DLG2: variants seen among roughly 807,000 people sequenced by gnomAD.
The protein encoded by DLG2 is disks large homolog 2.
DLG2 carries 45 observed loss-of-function variants against 132.5 expected under a neutral mutation model. The observed-to-expected ratio is 0.34, with a 90% CI of 0.27 to 0.44. The LOEUF is 0.44. Among genes scored for constraint, DLG2 ranks in the 20% least tolerant of loss-of-function variants. The pLI is 1.00. For synonymous variants in DLG2, 424 were observed against 419.6 expected (o/e 1.01, Z -0.13); for missense variants, 1,045 against 1,196.9 (o/e 0.87, Z 1.87).
At chr11:84,023,446 C>T (rs2095453196) in intron 11 of DLG2, among the ~76,000 whole-genome samples, 2 of 152,088 alleles carry the variant, frequency 1.3e-5, no homozygotes, top group South Asian at 4.1e-4. Flanking sequence ...AAAGACATCA[C>T]CTGAGTTCAC....
At chr11:85,412,933 T>C (rs375811917) in intron 3 of DLG2, among the ~76,000 whole-genome samples, 1 of 151,992 alleles carries the variant, frequency 6.6e-6, no homozygotes, top group East Asian at 1.9e-4. Context: ...TAGCCAGTAC[T>C]GAGATTGTTG....
chr11:85,436,257 T>C (rs999926274), intron 3 of DLG2, among the ~76,000 whole-genome samples: 1 of 151,946 alleles, frequency 6.6e-6, no homozygotes, highest in Non-Finnish European at 1.5e-5. Context: ...TGGGCAAAGA[T>C]TTTATTATGA....
At chr11:83,762,248 C>T (rs35047639) in intron 18 of DLG2, among the ~76,000 whole-genome samples, 8,071 of 152,258 alleles carry the variant, frequency 0.053, 232 homozygotes, top group Middle Eastern at 0.11. Flanking sequence ...AATCTGTCAG[C>T]GATTGCTGAC....
intron 6 of DLG2, among the ~76,000 whole-genome samples, chr11:84,984,683 C>A (rs1278573326): frequency 6.6e-6 from 1 of 151,952 alleles, no homozygotes; most frequent in Non-Finnish European, 1.5e-5. Context: ...AAATGCTCCA[C>A]TTAAAAGATA....
chr11:84,396,193 T>C (rs572173718), intron 7 of DLG2, among the ~76,000 whole-genome samples: 44 of 152,318 alleles, frequency 2.9e-4, no homozygotes, highest in African/African-American at 1.1e-3. Flanking sequence ...GCTCCACTTT[T>C]CCCATAAATC....
chr11:84,317,761 TA>T (rs765782939), intron 7 of DLG2, among the ~76,000 whole-genome samples: 4 of 152,146 alleles, frequency 2.6e-5, no homozygotes, highest in Non-Finnish European at 5.9e-5. Flanking sequence ...AGTCATGAAG[TA>T]ACTATATAAG....
chr11:84,844,135 GTATATATATATATATATATA>G (rs74200849), intron 6 of DLG2, among the ~76,000 whole-genome samples: 1 of 43,694 alleles, frequency 2.3e-5, no homozygotes, highest in African/African-American at 8.9e-5. Flanking sequence ...GTGTGTGTGT[GTATATATATATATATATATA>G]TATATATATA....
At chr11:83,610,812 T>TGGA (rs2060006138) in intron 19 of DLG2, among the ~76,000 whole-genome samples, 9 of 152,200 alleles carry the variant, frequency 5.9e-5, no homozygotes, top group Admixed American at 1.3e-4. Flanking sequence ...GGTACTCTTG[T>TGGA]TATCCACAAT....
At chr11:83,887,120 G>C (rs1383280506) in intron 15 of DLG2, among the ~76,000 whole-genome samples, 2 of 152,168 alleles carry the variant, frequency 1.3e-5, no homozygotes, top group African/African-American at 4.8e-5. Flanking sequence ...GAAGGAAATA[G>C]AGACACAAAA....
At chr11:84,518,534 A>T (rs1321177895) in intron 7 of DLG2, among the ~76,000 whole-genome samples, 1 of 152,136 alleles carries the variant, frequency 6.6e-6, no homozygotes, top group Middle Eastern at 3.2e-3. Flanking sequence ...AAACTTCCTC[A>T]TCAATTCCTC....
At chr11:84,278,399 T>C (rs1598931522) in intron 7 of DLG2, among the ~76,000 whole-genome samples, 1 of 151,946 alleles carries the variant, frequency 6.6e-6, no homozygotes, top group East Asian at 1.9e-4. Context: ...CTAAATATTT[T>C]AAAGAAAGAA....
intron 7 of DLG2, among the ~76,000 whole-genome samples, chr11:84,407,045 T>C (rs2098855731): frequency 6.6e-6 from 1 of 152,162 alleles, no homozygotes; most frequent in South Asian, 2.1e-4. Context: ...CATTAACCTA[T>C]TATTCAAGCC....
rs1168799457 is a variant in DLG2, at chr11:85,154,742, T to G, written c.187-91A>C. 23 of 636,306 alleles carry G rather than the reference T, an allele frequency of 3.6e-5. No individual in the cohort carries two copies. In the East Asian group the frequency reaches 6.7e-4, roughly 19 times the overall value. 39.4% of individuals were successfully genotyped at this position (636,306 alleles called of 1,614,324 possible). A position where few individuals can be genotyped will look rare whatever the true frequency, so the allele number is the denominator to read the frequency against. On this transcript the variant is annotated intron_variant, in intron 4 of 27. Transcript: ENST00000376104. ...CTTTGAATATACACATTAAAATATC[T>G]AAGGCCTGAATAAATATTAGATGTT...
intron 11 of DLG2, among the ~76,000 whole-genome samples, chr11:83,997,181 A>C (rs528799538): frequency 1.3e-5 from 2 of 152,240 alleles, no homozygotes; most frequent in Non-Finnish European, 2.9e-5. Flanking sequence ...TATCAGACTT[A>C]CTGCCTTATT....
At chr11:84,454,155 G>A (rs1389938835) in intron 7 of DLG2, among the ~76,000 whole-genome samples, 1 of 151,468 alleles carries the variant, frequency 6.6e-6, no homozygotes, top group African/African-American at 2.4e-5. Context: ...ATAAAAAGAT[G>A]ACTAAAGAAG....
At chr11:83,538,552 A>G (rs996758974) in intron 20 of DLG2, among the ~76,000 whole-genome samples, 4 of 152,134 alleles carry the variant, frequency 2.6e-5, no homozygotes, top group African/African-American at 7.2e-5. Flanking sequence ...TGGCTTTGCT[A>G]TCAAAGAGAC....
At chr11:84,021,108 C>T (rs560982179) in intron 11 of DLG2, among the ~76,000 whole-genome samples, 3 of 152,224 alleles carry the variant, frequency 2.0e-5, no homozygotes, top group South Asian at 2.1e-4. Flanking sequence ...TAAGAACTGC[C>T]ATTTGTGGAA....
intron 6 of DLG2, among the ~76,000 whole-genome samples, chr11:84,810,447 C>G (rs748374483): frequency 6.6e-6 from 1 of 152,108 alleles, no homozygotes; most frequent in Non-Finnish European, 1.5e-5. Flanking sequence ...TGAGACATCA[C>G]TACATACAAA....
intron 18 of DLG2, among the ~76,000 whole-genome samples, chr11:83,776,101 T>TA (rs1275314031): frequency 4.6e-5 from 7 of 151,006 alleles, no homozygotes; most frequent in African/African-American, 7.4e-5. Context: ...CAAAAATAAA[T>TA]AAATAAATAA....
Sources: gnomAD v4.1 joint callset for allele counts (sites outside exome capture counted in the v4.1 genomes callset) on GRCh38, gnomAD v4.1.1 for gene constraint, MANE v1.5 for transcripts, NCBI Gene and HGNC (gene_info 2026-07-23, HGNC 2026-07-21) for gene names.